WNK1: variants seen among roughly 807,000 people sequenced by gnomAD.
WNK1 encodes the protein WNK lysine deficient protein kinase 1.
A neutral mutation model predicts 222.8 loss-of-function variants in WNK1; 38 were observed. That is an observed-to-expected ratio of 0.17 (90% CI 0.13 to 0.22). The LOEUF (loss-of-function observed/expected upper bound fraction) is 0.22. Among genes scored for constraint, WNK1 ranks in the 10% least tolerant of loss-of-function variants. The probability of loss-of-function intolerance (pLI) is 1.00; values close to 1 mark genes in which losing one functional copy is unlikely to be tolerated. For missense variants in WNK1, 2,348 were observed against 2,918.4 expected (o/e 0.80, Z 4.50); for synonymous variants, 1,090 against 1,092.9 (o/e 1.00, Z 0.05).
chr12:871,011 A>G (rs1404346066), intron 8 of WNK1, among the ~76,000 whole-genome samples: 1 of 152,256 alleles, frequency 6.6e-6, no homozygotes, highest in African/African-American at 2.4e-5. Context: ...CAGCCTGAGC[A>G]GCATTGACAG....
Position 890,596 on chromosome 12 carries a change from A to G in WNK1, c.5509+83A>G, listed in dbSNP as rs2255390. 0.57 allele frequency: 808,246 copies of G among 1,425,308 alleles called. 230,852 individuals carry two copies. The highest frequency in any genetic ancestry group is 0.75 in the Middle Eastern group (4,288 of 5,732). The allele number at this position is 1,425,308 out of a possible 1,614,324, so 88.3% of individuals were successfully genotyped here. A position where few individuals can be genotyped will look rare whatever the true frequency, so the allele number is the denominator to read the frequency against. On this transcript the variant is annotated intron_variant, in intron 22 of 27. Transcript: ENST00000315939. ...TCAGGAGGTTTACCGTTTCAAAGAC[A>G]CATTTCCACGTATTTGATAACTGAG...
At chr12:869,449 A>G (rs1473030360) in intron 8 of WNK1, among the ~76,000 whole-genome samples, 2 of 152,234 alleles carry the variant, frequency 1.3e-5, no homozygotes, top group Non-Finnish European at 2.9e-5. Flanking sequence ...AGCATTATTT[A>G]GGAATACAAA....
chr12:885,623 G>A lies in WNK1; in HGVS notation c.4819G>A (p.Val1607Ile). The stretch of plus-strand genomic sequence containing the variant: ...TAGTATCCCACCCTTGGTACAGCCT[G>A]TTGCCAATGTGCCTGCTGTACAGCA... ...VPSIPPLVQPVANVPAVQQTL... is the reference protein window; with the variant it reads ...VPSIPPLVQPIANVPAVQQTL... Residue 1607 changes from valine (V) to isoleucine (I), a missense_variant, in exon 19 of 28, where the codon GTT becomes ATT. By Grantham distance (29) the Val-to-Ile change is conservative. This residue lies in a region of WNK1 where 1,144 missense variants were observed against 1,273.6 expected (regional missense o/e 0.90). Transcript: ENST00000315939. 2 of 1,614,110 alleles carry A rather than the reference G, an allele frequency of 1.2e-6. No homozygotes were observed. Among genetic ancestry groups the A allele is most frequent in the South Asian group, 1.1e-5 (1 of 91,084 alleles).
intron 1 of WNK1, among the ~76,000 whole-genome samples, chr12:769,744 A>G (rs759943093): frequency 2.1e-4 from 32 of 152,116 alleles, no homozygotes; most frequent in Non-Finnish European, 4.0e-4. Context: ...TTGCGCTACT[A>G]TAACATAATA....
At chr12:857,500 A>T (rs1328447678) in intron 5 of WNK1, among the ~76,000 whole-genome samples, 1 of 152,262 alleles carries the variant, frequency 6.6e-6, no homozygotes, top group Non-Finnish European at 1.5e-5. Context: ...ACATTCCATG[A>T]GAACTGCTTA....
In WNK1 at chr12:903,904, C is replaced by T. The variant is rs531591913; in HGVS notation, c.6643+3234C>T. ...ATGTTCAGAGGTTGCTTGTTTTCCA[C>T]GTACTTTTAAAAACTATTCTGGAAG... On this transcript the variant is annotated intron_variant, in intron 26 of 27. Coordinates refer to ENST00000315939, the MANE Select transcript of WNK1 (RefSeq NM_018979.4). 1.9e-4 allele frequency among the ~76,000 whole-genome samples: 29 copies of T among 152,246 alleles called. No homozygotes were observed. The East Asian group carries it at 3.9e-3, about 20-fold the overall frequency.
intron 23 of WNK1, among the ~76,000 whole-genome samples, chr12:895,487 C>T (rs1954657553): frequency 1.3e-5 from 2 of 152,044 alleles, no homozygotes; most frequent in Admixed American, 1.3e-4. Flanking sequence ...GAGACGGAGT[C>T]TCACTCTGTC....
At chr12:807,859 A>G (rs1053421059) in intron 1 of WNK1, among the ~76,000 whole-genome samples, 3 of 151,196 alleles carry the variant, frequency 2.0e-5, no homozygotes, top group Non-Finnish European at 2.9e-5. Flanking sequence ...AGCTGGGACT[A>G]CAGGCGCGCG....
intron 17 of WNK1, 54 bp downstream of exon 17, chr12:883,885 G>T: frequency 6.3e-7 from 1 of 1,596,756 alleles, no homozygotes. Flanking sequence ...GCCATTAGCC[G>T]AGGGTGGTGG....
At chr12:851,901 T>C (rs1950447960) in intron 4 of WNK1, 6 of 867,050 alleles carry the variant, frequency 6.9e-6, no homozygotes, top group Non-Finnish European at 9.2e-6. Context: ...AATTGTTAAC[T>C]TGAGAATGCT....
At chr12:772,685 C>T (rs1178791914) in intron 1 of WNK1, among the ~76,000 whole-genome samples, 1 of 151,850 alleles carries the variant, frequency 6.6e-6, no homozygotes, top group Non-Finnish European at 1.5e-5. Flanking sequence ...GAATGTTTGT[C>T]CCACAGATGC....
At chr12:877,308 G>A (rs939369506) in intron 9 of WNK1, among the ~76,000 whole-genome samples, 3 of 152,124 alleles carry the variant, frequency 2.0e-5, no homozygotes, top group Admixed American at 2.0e-4. Context: ...CAGGTGATCT[G>A]CCCACCTCAG....
intron 1 of WNK1, among the ~76,000 whole-genome samples, chr12:757,017 T>A (rs1940145927): frequency 6.6e-6 from 1 of 152,180 alleles, no homozygotes; most frequent in Non-Finnish European, 1.5e-5. Context: ...TCTAATAATT[T>A]GGGAGATGAC....
In WNK1 at chr12:880,739, C is replaced by A; in HGVS notation, c.2851C>A (p.Pro951Thr). 3 of 1,613,934 alleles carry A rather than the reference C, an allele frequency of 1.9e-6. No individual in the cohort carries two copies. In the South Asian group the frequency reaches 3.3e-5, roughly 18 times the overall value. Residue 951 changes from proline (P) to threonine (T), a missense_variant, in exon 12 of 28, where the codon CCA (proline) becomes ACA (threonine). Pro to Thr is a conservative substitution (Grantham distance 38, BLOSUM62 -1). This residue lies in a region of WNK1 where 547 missense variants were observed against 558.3 expected (regional missense o/e 0.98). Transcript: ENST00000315939. ...GTCACAGGGCTTCCCACCTCGACTGCCACCACAGTACCCAGGAGATTCAAA... is the reference window on the plus strand; with the variant it reads ...GTCACAGGGCTTCCCACCTCGACTGACACCACAGTACCCAGGAGATTCAAA... Reference protein sequence around the residue: ...VLYQGFPPRLPPQYPGDSNIA... With the variant: ...VLYQGFPPRLTPQYPGDSNIA...
chr12:830,377 C>A lies in WNK1; in HGVS notation c.1311+217C>A, dbSNP rs192434454. 1.2e-3 allele frequency among the ~76,000 whole-genome samples: 186 copies of A among 152,254 alleles called. 8 individuals are homozygous for A. The highest frequency in any genetic ancestry group is 0.012 in the Admixed American group (185 of 15,282). On this transcript the variant is annotated intron_variant, in intron 4 of 27. Coordinates refer to ENST00000315939, the MANE Select transcript of WNK1 (RefSeq NM_018979.4). ...AACCACTAGTTTATCCTGTACCCACCTTGCATTCATTTAAATCTTTATTAT... is the reference window on the plus strand; with the variant it reads ...AACCACTAGTTTATCCTGTACCCACATTGCATTCATTTAAATCTTTATTAT...
rs879614884 is a variant in WNK1 at position 865,302 on chromosome 12, A to G, written c.2139+3032A>G. The G allele has an allele frequency of 4.8e-5, 73 of 1,535,864 alleles. No individual in the cohort carries two copies. The highest frequency in any genetic ancestry group is 6.1e-5 in the Non-Finnish European group (70 of 1,146,890). On this transcript the variant is annotated intron_variant, in intron 8 of 27. Transcript: ENST00000315939. ...TAAAGCATTGGAGAGTGTCCTGCCTATGCACTCTGCCTCTCAGCGCAAGCA... is the reference window on the plus strand; with the variant it reads ...TAAAGCATTGGAGAGTGTCCTGCCTGTGCACTCTGCCTCTCAGCGCAAGCA...
chr12:783,188 T>G (rs1224891872), intron 1 of WNK1, among the ~76,000 whole-genome samples: 1 of 152,122 alleles, frequency 6.6e-6, no homozygotes, highest in Non-Finnish European at 1.5e-5. Context: ...GTGCTGAGAT[T>G]ATAAGTGTGA....
Position 896,270 on chromosome 12 carries a change from C to G in WNK1, c.5783C>G (p.Thr1928Ser), listed in dbSNP as rs1209355422. ...GATGTGCCAGAGAGTGCCCACAAAA[C>G]TACTGCCTCAGAGGCAAAGTCAGAC... ...SSDVPESAHK[T>S]TASEAKSDTG... Residue 1928 changes from threonine (T) to serine (S), a missense_variant, in exon 24 of 28, where the codon ACT becomes AGT. Physicochemically the swap from Thr to Ser is moderately conservative, Grantham distance 58. This residue lies in a region of WNK1 where 1,144 missense variants were observed against 1,273.6 expected (regional missense o/e 0.90). Transcript: ENST00000315939. The G allele has an allele frequency of 1.2e-6, 2 of 1,614,226 alleles. No individual in the cohort carries two copies. Among genetic ancestry groups the G allele is most frequent in the Non-Finnish European group, 8.5e-7 (1 of 1,180,034 alleles).
chr12:829,324 A>G (rs185739289), intron 3 of WNK1, among the ~76,000 whole-genome samples: 13 of 152,240 alleles, frequency 8.5e-5, no homozygotes, highest in Admixed American at 3.3e-4. Flanking sequence ...CCCTCACTAC[A>G]TTTCTTGTGT....
Sources: gnomAD v4.1 joint callset for allele counts (sites outside exome capture counted in the v4.1 genomes callset) on GRCh38, gnomAD v4.1.1 for gene constraint, gnomAD v4.1.1 regional missense constraint, MANE v1.5 for transcripts, NCBI Gene and HGNC (gene_info 2026-07-23, HGNC 2026-07-21) for gene names.